JAKMIP3: variants seen among roughly 807,000 people sequenced by gnomAD.
The protein encoded by JAKMIP3 is Janus kinase and microtubule interacting protein 3, also known as janus kinase and microtubule-interacting protein 3.
A neutral mutation model predicts 118.5 loss-of-function variants in JAKMIP3; 58 were observed. That is an observed-to-expected ratio of 0.49 (90% CI 0.40 to 0.61). The LOEUF (loss-of-function observed/expected upper bound fraction) is 0.61, where lower values mean the gene tolerates loss of function less well. JAKMIP3 is among the 20% of genes least tolerant of loss of function. The pLI, the probability that JAKMIP3 is intolerant of heterozygous loss-of-function variation, is 0.00. For synonymous variants in JAKMIP3, 486 were observed against 451.2 expected, an observed-to-expected ratio of 1.08 and a Z score of -0.98; for missense variants, 950 against 1,109.0, an observed-to-expected ratio of 0.86 and a Z score of 2.04.
intron 1 of JAKMIP3, among the ~76,000 whole-genome samples, chr10:132,104,095 G>A (rs942133436): frequency 3.4e-4 from 52 of 152,304 alleles, no homozygotes; most frequent in African/African-American, 1.1e-3. Flanking sequence ...CTGCTACGTG[G>A]ATATTCTGCA....
rs915794700 is a variant in JAKMIP3, at chr10:132,182,862, A to G, written c.*1609A>G. The G allele has an allele frequency of 2.6e-5, 4 of 152,198 alleles. No individual in the cohort carries two copies. The highest frequency in any genetic ancestry group is 9.7e-5 in the African/African-American group (4 of 41,448). The allele number at this position is 152,198 out of a possible 1,614,324, so 9.4% of individuals were successfully genotyped here. ...TTGAAATCAGGGAAAAGCTAATAGTATCAGACAGATATGCTTTTTCTTTGG... is the reference window on the plus strand; with the variant it reads ...TTGAAATCAGGGAAAAGCTAATAGTGTCAGACAGATATGCTTTTTCTTTGG... On this transcript the variant is annotated 3_prime_UTR_variant, in exon 24 of 24. Transcript: ENST00000684848.
chr10:132,135,782 G>A, intron 5 of JAKMIP3, 148 bp from the exon 6 acceptor site: 1 of 832,946 alleles, frequency 1.2e-6, no homozygotes, highest in South Asian at 1.9e-5. Flanking sequence ...TGGGCCAGTG[G>A]GCACCACTTG....
intron 9 of JAKMIP3, among the ~76,000 whole-genome samples, chr10:132,139,456 GTC>G (rs200342549): frequency 6.8e-6 from 1 of 147,850 alleles, no homozygotes; most frequent in African/African-American, 2.5e-5. Context: ...GTGTATATGT[GTC>G]TGCATGTGTG....
intron 6 of JAKMIP3, among the ~76,000 whole-genome samples, chr10:132,136,376 A>C (rs1222098821): frequency 6.6e-6 from 1 of 152,170 alleles, no homozygotes; most frequent in East Asian, 1.9e-4. Flanking sequence ...CCAACTCGGA[A>C]AATCCCGGGC....
chr10:132,159,500 G>A (rs1175621716), intron 19 of JAKMIP3, among the ~76,000 whole-genome samples: 1 of 139,812 alleles, frequency 7.2e-6, no homozygotes, highest in Non-Finnish European at 1.5e-5. Flanking sequence ...GGCTCTCCCT[G>A]TGTGATGCTG....
chr10:132,070,630 G>A lies in JAKMIP3; in HGVS notation c.-138+4569G>A, dbSNP rs186859049. ...CATTCCTGAAGTCCAAAGGGGAGGG[G>A]AGTCCAGCTTCCGAAACAGACCTTG... is the stretch of plus-strand genomic sequence containing the variant. On this transcript the variant is annotated intron_variant, in intron 1 of 23. Coordinates refer to ENST00000684848, the MANE Select transcript of JAKMIP3 (RefSeq NM_001323087.2). Among the ~76,000 whole-genome samples the A allele has an allele frequency of 3.7e-4, 57 of 152,312 alleles. 1 individual carries two copies. The East Asian group carries it at 0.011, about 29-fold the overall frequency.
chr10:132,074,765 A>G (rs148094074), intron 1 of JAKMIP3, among the ~76,000 whole-genome samples: 2 of 152,310 alleles, frequency 1.3e-5, no homozygotes, highest in African/African-American at 2.4e-5. Flanking sequence ...GCCAATGTCC[A>G]GAAGAGTTTT....
At chr10:132,167,079 C>T in intron 22 of JAKMIP3, 24 bp downstream of exon 22, 1 of 1,496,048 alleles carries the variant, frequency 6.7e-7, no homozygotes, top group Non-Finnish European at 9.1e-7. Context: ...TGGCAGGGCC[C>T]AGCAGGGGTC....
intron 1 of JAKMIP3, among the ~76,000 whole-genome samples, chr10:132,082,855 C>T (rs770223322): frequency 7.2e-5 from 11 of 152,338 alleles, no homozygotes; most frequent in South Asian, 4.1e-4. Context: ...GTGATCCGCC[C>T]GCCTTGGCCG....
chr10:132,142,577 C>G (rs1053704149), intron 11 of JAKMIP3, among the ~76,000 whole-genome samples: 1 of 152,228 alleles, frequency 6.6e-6, no homozygotes, highest in Non-Finnish European at 1.5e-5. Context: ...ACCTTAGCGT[C>G]GTCCCCCAGG....
upstream of JAKMIP3, among the ~76,000 whole-genome samples, chr10:132,061,205 C>T (rs2038383141): frequency 8.4e-6 from 1 of 118,344 alleles, no homozygotes; most frequent in African/African-American, 3.0e-5. Context: ...CACACACACA[C>T]CTGCCGTGAC....
At chr10:132,180,708 CGCGTGT>C (rs1385913127) in intron 23 of JAKMIP3, among the ~76,000 whole-genome samples, 248 of 12,714 alleles carry the variant, frequency 0.02, 33 homozygotes, top group Admixed American at 0.04. Flanking sequence ...TGTGTGTGTG[CGCGTGT>C]GTGTGCGTGT....
chr10:132,038,807 A>C (rs1249338898), intron 1 of JAKMIP3, among the ~76,000 whole-genome samples: 2 of 148,070 alleles, frequency 1.4e-5, no homozygotes, highest in South Asian at 2.1e-4. Flanking sequence ...AAAAAAAAAA[A>C]AAACCATCAT....
chr10:132,149,168 A>C (rs187529567), intron 14 of JAKMIP3, among the ~76,000 whole-genome samples: 1 of 152,218 alleles, frequency 6.6e-6, no homozygotes, highest in African/African-American at 2.4e-5. Flanking sequence ...CCACGTGGCC[A>C]GAGTGTGATG....
intron 3 of JAKMIP3, among the ~76,000 whole-genome samples, chr10:132,122,678 C>T (rs1364254146): frequency 6.6e-6 from 1 of 152,150 alleles, no homozygotes; most frequent in Non-Finnish European, 1.5e-5. Context: ...ACAGGAGAGG[C>T]CTGCAGGGTG....
intron 19 of JAKMIP3, among the ~76,000 whole-genome samples, chr10:132,155,187 T>C (rs1589973350): frequency 6.6e-6 from 1 of 150,412 alleles, no homozygotes; most frequent in African/African-American, 2.5e-5. Flanking sequence ...GTGATGATGG[T>C]GATCATGATG....
upstream of JAKMIP3, among the ~76,000 whole-genome samples, chr10:132,064,563 CG>C (rs2038558444): frequency 1.3e-5 from 2 of 152,200 alleles, no homozygotes; most frequent in African/African-American, 4.8e-5. The surrounding 1 kb of genome is among the most constrained non-coding windows in gnomAD (Gnocchi z 4.4). Flanking sequence ...GTGGGGCAGC[CG>C]CATGGCCTCT....
intron 3 of JAKMIP3, among the ~76,000 whole-genome samples, chr10:132,123,654 C>T (rs1017573342): frequency 3.3e-5 from 5 of 152,130 alleles, no homozygotes; most frequent in African/African-American, 7.2e-5. Flanking sequence ...TCTCTGATGG[C>T]GTCGCTCAGA....
chr10:132,104,042 G>A (rs1308488177), intron 1 of JAKMIP3, among the ~76,000 whole-genome samples: 3 of 152,184 alleles, frequency 2.0e-5, no homozygotes. Flanking sequence ...TCCTGTCATA[G>A]CGTGTGTCCG....
Sources: gnomAD v4.1 joint callset for allele counts (sites outside exome capture counted in the v4.1 genomes callset) on GRCh38, gnomAD v4.1.1 for gene constraint, Gnocchi (gnomAD v3.1) non-coding constraint, MANE v1.5 for transcripts, NCBI Gene and HGNC (gene_info 2026-07-23, HGNC 2026-07-21) for gene names.